The following UBASH3B variants were observed in gnomAD, a reference collection of about 807,000 sequenced individuals.
UBASH3B encodes ubiquitin-associated and SH3 domain-containing protein B.
In UBASH3B, 37 loss-of-function variants were observed where a neutral mutation model predicts 83.4. The ratio of observed to expected loss-of-function variants is 0.44; its 90% CI spans 0.34 to 0.58. The LOEUF is 0.58. UBASH3B is among the 20% of genes least tolerant of loss of function. The probability of loss-of-function intolerance (pLI) is 0.01; values close to 1 mark genes in which losing one functional copy is unlikely to be tolerated. For synonymous variants in UBASH3B, 304 were observed against 318.3 expected, an observed-to-expected ratio of 0.96 and a Z score of 0.48; for missense variants, 657 against 827.2, an observed-to-expected ratio of 0.79 and a Z score of 2.52.
At position 122,783,186 on chromosome 11, in the gene UBASH3B, C is replaced by T. The variant is rs748418152; in HGVS notation, c.735C>T (p.Thr245=). 1 of 1,614,052 alleles carries T rather than the reference C, an allele frequency of 6.2e-7. No homozygotes were observed. Among genetic ancestry groups the T allele is most frequent in the Non-Finnish European group, 8.5e-7 (1 of 1,179,972 alleles). The part of the protein sequence containing the change: ...DVKLGCDWVA[T]IFSRDIRFAN... ...AGCTAGGGTGTGACTGGGTGGCTAC[C>T]ATATTTTCTCGGGATATCCGATTTG... is the stretch of plus-strand genomic sequence containing the variant. Residue 245 remains threonine (T), a synonymous_variant, in exon 5 of 14, where the codon ACC becomes ACT. Coordinates refer to ENST00000284273, the MANE Select transcript of UBASH3B (RefSeq NM_032873.5).
At chr11:122,693,598 C>T (rs947470270) in intron 1 of UBASH3B, among the ~76,000 whole-genome samples, 1 of 152,118 alleles carries the variant, frequency 6.6e-6, no homozygotes, top group Non-Finnish European at 1.5e-5. Context: ...GATGGCCGAG[C>T]GTGGTGGCTC....
intron 5 of UBASH3B, among the ~76,000 whole-genome samples, chr11:122,784,455 T>A (rs1591812562): frequency 6.6e-6 from 1 of 151,584 alleles, no homozygotes; most frequent in South Asian, 2.1e-4. Context: ...AGACCAGGAG[T>A]TCCAAACCAG....
rs977518718 is a variant in UBASH3B, at chr11:122,810,547, C to CG, written c.*661_*662insG. 1.5e-5 allele frequency: 2 copies of CG among 134,792 alleles called. No homozygotes were observed. The highest frequency in any genetic ancestry group is 7.2e-3 in the Middle Eastern group (2 of 278). The allele number at this position is 134,792 out of a possible 1,614,324, so 8.3% of individuals were successfully genotyped here. On this transcript the variant is annotated 3_prime_UTR_variant, in exon 14 of 14. Transcript: ENST00000284273. ...TTCTTGCTACAGCCCTATCCCCCCT[C>CG]CTTGCTTCTGTGAAATGGGGAGACA...
At chr11:122,756,444 C>T (rs759842438) in intron 1 of UBASH3B, among the ~76,000 whole-genome samples, 44 of 152,220 alleles carry the variant, frequency 2.9e-4, no homozygotes, top group Non-Finnish European at 5.4e-4. Flanking sequence ...GATACACAGT[C>T]CTTCTTACAC....
At chr11:122,770,293 T>C (rs1207900043) in intron 1 of UBASH3B, among the ~76,000 whole-genome samples, 2 of 152,238 alleles carry the variant, frequency 1.3e-5, no homozygotes, top group Non-Finnish European at 2.9e-5. Flanking sequence ...TTTCATTCCG[T>C]TATCCTACAT....
At chr11:122,750,658 G>T (rs1861185453) in intron 1 of UBASH3B, among the ~76,000 whole-genome samples, 1 of 152,176 alleles carries the variant, frequency 6.6e-6, no homozygotes, top group South Asian at 2.1e-4. Context: ...TAGCCGTTTT[G>T]CATCTCTAGA....
At chr11:122,665,837 C>A (rs534294282) in intron 1 of UBASH3B, among the ~76,000 whole-genome samples, 2 of 152,304 alleles carry the variant, frequency 1.3e-5, no homozygotes, top group East Asian at 3.9e-4. Context: ...AAGGTAGTGC[C>A]TTGAGCCCAG....
intron 1 of UBASH3B, among the ~76,000 whole-genome samples, chr11:122,718,936 T>A (rs981197054): frequency 1.3e-5 from 2 of 152,040 alleles, no homozygotes; most frequent in Admixed American, 1.3e-4. Flanking sequence ...ACCTGGGAGG[T>A]TGAGGCAGGA....
intron 1 of UBASH3B, among the ~76,000 whole-genome samples, chr11:122,681,283 T>C (rs1863734805): frequency 6.6e-6 from 1 of 152,204 alleles, no homozygotes; most frequent in Non-Finnish European, 1.5e-5. Flanking sequence ...CGTTGATTTC[T>C]TTAAATCCAC....
At chr11:122,729,160 T>A (rs1318901979) in intron 1 of UBASH3B, among the ~76,000 whole-genome samples, 2 of 152,198 alleles carry the variant, frequency 1.3e-5, no homozygotes, top group Non-Finnish European at 2.9e-5. Flanking sequence ...CTCTGGACAG[T>A]GGCTCTCTGA....
At chr11:122,761,780 T>C (rs1476030895) in intron 1 of UBASH3B, among the ~76,000 whole-genome samples, 1 of 9,712 alleles carries the variant, frequency 1.0e-4, no homozygotes, top group Non-Finnish European at 2.1e-4. Flanking sequence ...TCCCAGATCC[T>C]TTTTTTTTTT....
rs138906062 is a variant in UBASH3B, at chr11:122,666,734, C to T, written c.161+10524C>T. Reference sequence around the variant, plus strand: ...GCCCAGCTGCAGTTTCATTTTGAATCAACTTTTCCTTGAATTGCCTGATTG... The same window carrying T: ...GCCCAGCTGCAGTTTCATTTTGAATTAACTTTTCCTTGAATTGCCTGATTG... On this transcript the variant is annotated intron_variant, in intron 1 of 13. Transcript: ENST00000284273. Among the ~76,000 whole-genome samples the T allele has an allele frequency of 3.8e-3, 583 of 152,202 alleles. 3 individuals carry two copies. Among genetic ancestry groups the T allele is most frequent in the African/African-American group, 0.013 (544 of 41,552 alleles).
intron 1 of UBASH3B, among the ~76,000 whole-genome samples, chr11:122,700,173 T>C (rs550461713): frequency 6.6e-6 from 1 of 152,064 alleles, no homozygotes; most frequent in Non-Finnish European, 1.5e-5. Context: ...GCTGTTGGAG[T>C]GAGGAAGAGG....
chr11:122,799,809 G>C (rs1181024428), intron 10 of UBASH3B, among the ~76,000 whole-genome samples: 1 of 152,192 alleles, frequency 6.6e-6, no homozygotes, highest in Non-Finnish European at 1.5e-5. Flanking sequence ...ATCTGTGGAA[G>C]CGTGAGTTAC....
At chr11:122,784,937 T>C (rs2135154174) in intron 5 of UBASH3B, among the ~76,000 whole-genome samples, 1 of 152,092 alleles carries the variant, frequency 6.6e-6, no homozygotes, top group African/African-American at 2.4e-5. Context: ...GAACGAACCC[T>C]GAAGATAACA....
Position 122,814,061 on chromosome 11 carries a change from T to C in UBASH3B, c.*4175T>C, listed in dbSNP as rs1861497911. The C allele has an allele frequency of 6.6e-6, 1 of 152,660 alleles. No homozygotes were observed. The highest frequency in any genetic ancestry group is 1.5e-5 in the Non-Finnish European group (1 of 68,040). 9.5% of individuals were successfully genotyped at this position (152,660 alleles called of 1,614,324 possible). A position where few individuals can be genotyped will look rare whatever the true frequency, so the allele number is the denominator to read the frequency against. On this transcript the variant is annotated 3_prime_UTR_variant, in exon 14 of 14. Coordinates refer to ENST00000284273, the MANE Select transcript of UBASH3B (RefSeq NM_032873.5). ...GAATTTTCCAGCTGTTCAACTATCA[T>C]GGACTCTGTACAGGATAGATGTGTA... is the stretch of plus-strand genomic sequence containing the variant.
chr11:122,716,228 G>C (rs759882133), intron 1 of UBASH3B, among the ~76,000 whole-genome samples: 8 of 152,234 alleles, frequency 5.3e-5, no homozygotes, highest in Non-Finnish European at 1.0e-4. Context: ...CTGGAGTGCA[G>C]TGGCTCAATC....
chr11:122,720,855 A>G (rs1167144461), intron 1 of UBASH3B, among the ~76,000 whole-genome samples: 3 of 152,244 alleles, frequency 2.0e-5, no homozygotes, highest in Middle Eastern at 3.4e-3. Flanking sequence ...CTCCCCTAGA[A>G]TATAAACTGC....
chr11:122,804,010 G>T (rs1366357056), intron 11 of UBASH3B, among the ~76,000 whole-genome samples: 1 of 152,064 alleles, frequency 6.6e-6, no homozygotes. Flanking sequence ...ACTTTAAGGT[G>T]CTGGGAGAAG....
Sources: gnomAD v4.1 joint callset for allele counts (sites outside exome capture counted in the v4.1 genomes callset) on GRCh38, gnomAD v4.1.1 for gene constraint, MANE v1.5 for transcripts, NCBI Gene and HGNC (gene_info 2026-07-23, HGNC 2026-07-21) for gene names.